CCDC6: variants seen among roughly 807,000 people sequenced by gnomAD.
The protein encoded by CCDC6 is coiled-coil domain containing 6.
In CCDC6, 20 loss-of-function variants were observed where a neutral mutation model predicts 56.6. The observed-to-expected ratio is 0.35, with a 90% CI of 0.25 to 0.51. The LOEUF (loss-of-function observed/expected upper bound fraction) is 0.51. Among genes scored for constraint, CCDC6 ranks in the 20% least tolerant of loss-of-function variants. The pLI is 0.95. For missense variants in CCDC6, 367 were observed against 601.1 expected, an observed-to-expected ratio of 0.61 and a Z score of 4.07; for synonymous variants, 241 against 234.4, an observed-to-expected ratio of 1.03 and a Z score of -0.26.
chr10:59,888,108 T>C (rs536915987), intron 1 of CCDC6, among the ~76,000 whole-genome samples: 1 of 152,362 alleles, frequency 6.6e-6, no homozygotes, highest in African/African-American at 2.4e-5. Flanking sequence ...AGACTGCTTG[T>C]TATTCTACCT....
At position 59,792,213 on chromosome 10, in the gene CCDC6, AAG is replaced by A. The variant is rs372490259; in HGVS notation, c.*702_*703del. 4.6e-3 allele frequency: 1,198 copies of A among 261,044 alleles called. 15 individuals are homozygous for A. Among genetic ancestry groups the A allele is most frequent in the African/African-American group, 0.024 (1,116 of 45,598 alleles). The allele number at this position is 261,044 out of a possible 1,614,324, so 16.2% of individuals were successfully genotyped here. On this transcript the variant is annotated 3_prime_UTR_variant, in exon 9 of 9. Coordinates refer to ENST00000263102, the MANE Select transcript of CCDC6 (RefSeq NM_005436.5). ...AAGTAGATTAACATTAAGGATAAAA[AAG>A]AGAATCACATCTTAATATACGATAA...
intron 6 of CCDC6, among the ~76,000 whole-genome samples, chr10:59,806,014 A>G (rs1240919954): frequency 1.3e-5 from 2 of 152,168 alleles, no homozygotes; most frequent in Non-Finnish European, 2.9e-5. Flanking sequence ...CTGGTTTCAG[A>G]CACTGAATGC....
chr10:59,849,500 G>A (rs927135598), intron 2 of CCDC6, among the ~76,000 whole-genome samples: 1 of 152,194 alleles, frequency 6.6e-6, no homozygotes, highest in Non-Finnish European at 1.5e-5. Context: ...GACAGGAAGG[G>A]ACACGTCTCT....
intron 3 of CCDC6, among the ~76,000 whole-genome samples, chr10:59,821,978 T>C (rs1389631536): frequency 6.6e-6 from 1 of 152,194 alleles, no homozygotes; most frequent in Admixed American, 6.5e-5. Flanking sequence ...CCTAGTATAA[T>C]TGAATAGTAC....
chr10:59,877,616 A>C (rs1286139573), intron 1 of CCDC6, among the ~76,000 whole-genome samples: 1 of 152,214 alleles, frequency 6.6e-6, no homozygotes, highest in Non-Finnish European at 1.5e-5. Flanking sequence ...AGCAAGAGAG[A>C]CAGTGGAGGA....
intron 3 of CCDC6, among the ~76,000 whole-genome samples, chr10:59,828,344 A>G (rs2132641464): frequency 6.6e-6 from 1 of 152,336 alleles, no homozygotes; most frequent in East Asian, 1.9e-4. Flanking sequence ...TGTGCTACAA[A>G]GACCACACAA....
intron 2 of CCDC6, among the ~76,000 whole-genome samples, chr10:59,847,796 T>G (rs2071005592): frequency 6.6e-6 from 1 of 151,158 alleles, no homozygotes; most frequent in Non-Finnish European, 1.5e-5. Context: ...TCTATAACAT[T>G]CTGGAGAATA....
chr10:59,857,239 A>G (rs1294230508), intron 1 of CCDC6, among the ~76,000 whole-genome samples: 10 of 152,202 alleles, frequency 6.6e-5, no homozygotes. Context: ...CACCAAAAAA[A>G]TTACAGAAAA....
intron 1 of CCDC6, among the ~76,000 whole-genome samples, chr10:59,900,302 A>G (rs1317838309): frequency 6.6e-6 from 1 of 152,160 alleles, no homozygotes. Flanking sequence ...GTATCAGGGC[A>G]TACCAGGAAG....
intron 1 of CCDC6, among the ~76,000 whole-genome samples, chr10:59,855,409 T>C (rs957811374): frequency 1.3e-5 from 2 of 151,900 alleles, no homozygotes; most frequent in East Asian, 1.9e-4. Context: ...CTACTTAAAA[T>C]AAAAAAAATT....
intron 2 of CCDC6, among the ~76,000 whole-genome samples, chr10:59,848,724 C>A (rs1025895070): frequency 4.6e-5 from 7 of 152,264 alleles, no homozygotes; most frequent in Admixed American, 4.6e-4. Context: ...ATAATAAATT[C>A]TTTCTTTGAG....
intron 1 of CCDC6, among the ~76,000 whole-genome samples, chr10:59,888,090 C>G (rs2071395698): frequency 6.6e-6 from 1 of 152,240 alleles, no homozygotes; most frequent in Admixed American, 6.5e-5. Context: ...GCTGGAGATT[C>G]TGGGCAAAGA....
intron 1 of CCDC6, among the ~76,000 whole-genome samples, chr10:59,867,994 A>G (rs1055793106): frequency 6.6e-6 from 1 of 152,190 alleles, no homozygotes. Flanking sequence ...AAAGTGTACC[A>G]CAAACAAGCT....
chr10:59,877,286 C>A (rs2071292486), intron 1 of CCDC6, among the ~76,000 whole-genome samples: 1 of 152,140 alleles, frequency 6.6e-6, no homozygotes, highest in Non-Finnish European at 1.5e-5. Context: ...AGAATCACTC[C>A]TGTAAAGTTT....
intron 1 of CCDC6, among the ~76,000 whole-genome samples, chr10:59,901,282 C>T (rs193014381): frequency 2.4e-4 from 36 of 151,858 alleles, no homozygotes; most frequent in African/African-American, 6.0e-4. Context: ...CTTTTCTAAA[C>T]GGGGGGAAAA....
chr10:59,903,155 G>A (rs1361991528), intron 1 of CCDC6, among the ~76,000 whole-genome samples: 3 of 152,168 alleles, frequency 2.0e-5, no homozygotes, highest in Non-Finnish European at 2.9e-5. Context: ...GGAGTTTGCA[G>A]GGAGGGAAAG....
intron 1 of CCDC6, among the ~76,000 whole-genome samples, chr10:59,865,249 G>C (rs2071167254): frequency 6.6e-6 from 1 of 152,182 alleles, no homozygotes; most frequent in African/African-American, 2.4e-5. Flanking sequence ...TGGAAAACCT[G>C]CGGTGTTTCT....
chr10:59,870,054 T>C (rs1336468081), intron 1 of CCDC6, among the ~76,000 whole-genome samples: 1 of 152,130 alleles, frequency 6.6e-6, no homozygotes, highest in Non-Finnish European at 1.5e-5. Flanking sequence ...CTACCTTCTT[T>C]CCATCGAGGA....
intron 3 of CCDC6, among the ~76,000 whole-genome samples, chr10:59,830,709 GCTA>G (rs1312098355): frequency 6.6e-6 from 1 of 152,208 alleles, no homozygotes; most frequent in East Asian, 1.9e-4. Context: ...AAGAGGTTCA[GCTA>G]CTAAAGTCTG....
Sources: gnomAD v4.1 joint callset for allele counts (sites outside exome capture counted in the v4.1 genomes callset) on GRCh38, gnomAD v4.1.1 for gene constraint, MANE v1.5 for transcripts, NCBI Gene and HGNC (gene_info 2026-07-23, HGNC 2026-07-21) for gene names.